ANAPC5: variants seen among roughly 807,000 people sequenced by gnomAD.
The protein encoded by ANAPC5 is anaphase-promoting complex subunit 5.
A neutral mutation model predicts 91.3 loss-of-function variants in ANAPC5; 60 were observed. The observed-to-expected ratio is 0.66, with a 90% CI of 0.53 to 0.81. The LOEUF (loss-of-function observed/expected upper bound fraction) is 0.81, where lower values mean the gene tolerates loss of function less well. ANAPC5 is among the 40% of genes least tolerant of loss of function. The pLI is 0.00. For missense variants in ANAPC5, 690 were observed against 931.5 expected (o/e 0.74, Z 3.37); for synonymous variants, 340 against 364.1 (o/e 0.93, Z 0.75).
In ANAPC5 at chr12:121,349,245, C is replaced by G. The variant is rs958321478; in HGVS notation, c.208-1364G>C. 2.6e-5 allele frequency among the ~76,000 whole-genome samples: 4 copies of G among 152,152 alleles called. No homozygotes were observed. In the South Asian group the frequency reaches 6.2e-4, roughly 24 times the overall value. On this transcript the variant is annotated intron_variant, in intron 1 of 16. Transcript: ENST00000261819. Reference sequence around the variant, plus strand: ...TGGCTGGGATGCTACTAGATGAACTCTACATACATTTTGATTAAAACTATA... The same window carrying G: ...TGGCTGGGATGCTACTAGATGAACTGTACATACATTTTGATTAAAACTATA...
At chr12:121,310,075 T>C (rs1318600337) in intron 15 of ANAPC5, 1 of 390,180 alleles carries the variant, frequency 2.6e-6, no homozygotes, top group East Asian at 4.1e-5. Context: ...GGGGCGGTTA[T>C]TCACACTATG....
At chr12:121,341,578 G>C (rs1338115020) in intron 5 of ANAPC5, among the ~76,000 whole-genome samples, 3 of 152,152 alleles carry the variant, frequency 2.0e-5, no homozygotes, top group Non-Finnish European at 2.9e-5. Context: ...TGAAATGGTG[G>C]CTGAATAGAG....
intron 3 of ANAPC5, chr12:121,346,409 A>AAG (rs1555274695): frequency 1.6e-5 from 3 of 187,830 alleles, no homozygotes; most frequent in African/African-American, 7.0e-5. Flanking sequence ...GGCACATAGG[A>AAG]AGAGAGAGAG....
At chr12:121,312,550 A>G (rs1902207107) in intron 15 of ANAPC5, among the ~76,000 whole-genome samples, 1 of 151,608 alleles carries the variant, frequency 6.6e-6, no homozygotes, top group South Asian at 2.1e-4. Flanking sequence ...AAAATACAAA[A>G]AAAAAAATTA....
intron 1 of ANAPC5, among the ~76,000 whole-genome samples, chr12:121,350,489 G>A (rs567345736): frequency 5.9e-5 from 9 of 152,182 alleles, no homozygotes; most frequent in African/African-American, 2.2e-4. Flanking sequence ...AGACCATCCC[G>A]GCTAACACGG....
intron 1 of ANAPC5, among the ~76,000 whole-genome samples, chr12:121,351,377 AAAT>A (rs1379212295): frequency 6.6e-6 from 1 of 152,144 alleles, no homozygotes; most frequent in Non-Finnish European, 1.5e-5. Context: ...TGTCTCAAAA[AAAT>A]AATAATAATT....
chr12:121,320,253 G>C (rs1444470118), intron 12 of ANAPC5, 132 bp downstream of exon 12: 2 of 768,956 alleles, frequency 2.6e-6, no homozygotes, highest in East Asian at 2.8e-5. Flanking sequence ...TATCATACTT[G>C]TAAGCATCCT....
chr12:121,310,731 C>T (rs1048026434), intron 15 of ANAPC5, among the ~76,000 whole-genome samples: 7 of 151,986 alleles, frequency 4.6e-5, no homozygotes, highest in South Asian at 4.2e-4. Context: ...GTCAGGGGTT[C>T]GAGACCAGCC....
intron 11 of ANAPC5, among the ~76,000 whole-genome samples, chr12:121,324,429 A>G (rs1307640704): frequency 6.6e-6 from 1 of 152,202 alleles, no homozygotes; most frequent in African/African-American, 2.4e-5. Context: ...TGTTGAAGCC[A>G]AACAATGATT....
intron 6 of ANAPC5, 141 bp downstream of exon 6, chr12:121,337,150 G>T: frequency 1.7e-6 from 1 of 584,604 alleles, no homozygotes. Flanking sequence ...CCAGGGAGTC[G>T]GAGGTTGCAG....
chr12:121,353,565 C>A (rs1038444918), upstream of ANAPC5, among the ~76,000 whole-genome samples: 1 of 151,974 alleles, frequency 6.6e-6, no homozygotes, highest in Non-Finnish European at 1.5e-5. Flanking sequence ...TTCAGCCTAC[C>A]GAGTAGCTGG....
At chr12:121,351,341 C>T in intron 1 of ANAPC5, 1 of 232,324 alleles carries the variant, frequency 4.3e-6, no homozygotes, top group Non-Finnish European at 8.8e-6. Context: ...CTACTGCACT[C>T]CAGCCTGGGC....
chr12:121,352,551 A>C (rs1272325995), upstream of ANAPC5: 1 of 529,970 alleles, frequency 1.9e-6, no homozygotes, highest in South Asian at 2.6e-5. Flanking sequence ...GAGTGCGGGG[A>C]GGGGTGCACC....
chr12:121,321,598 C>A (rs1902612029), intron 11 of ANAPC5, among the ~76,000 whole-genome samples: 1 of 145,872 alleles, frequency 6.9e-6, no homozygotes, highest in Non-Finnish European at 1.5e-5. Flanking sequence ...GTGGCATGAT[C>A]TTGACTCACT....
At chr12:121,313,198 C>T (rs1315372269) in intron 15 of ANAPC5, among the ~76,000 whole-genome samples, 2 of 151,814 alleles carry the variant, frequency 1.3e-5, no homozygotes, top group African/African-American at 4.8e-5. Context: ...TGGTAGCATG[C>T]GCCTGTAATC....
intron 11 of ANAPC5, among the ~76,000 whole-genome samples, chr12:121,325,883 T>C (rs1324635318): frequency 6.6e-6 from 1 of 152,000 alleles, no homozygotes; most frequent in African/African-American, 2.4e-5. Flanking sequence ...ACTAAATACT[T>C]CAATATGTTC....
intron 15 of ANAPC5, among the ~76,000 whole-genome samples, chr12:121,312,431 G>A (rs998045029): frequency 6.6e-6 from 1 of 151,900 alleles, no homozygotes; most frequent in Non-Finnish European, 1.5e-5. Context: ...AGGTAGCCAG[G>A]CACAGCGGCT....
intron 2 of ANAPC5, chr12:121,347,547 C>G: frequency 2.3e-6 from 1 of 430,490 alleles, no homozygotes; most frequent in Middle Eastern, 6.4e-4. Flanking sequence ...GGGAAGATCA[C>G]CTGAGCTCAG....
intron 15 of ANAPC5, among the ~76,000 whole-genome samples, chr12:121,316,931 C>A (rs1050517791): frequency 1.3e-5 from 2 of 151,942 alleles, no homozygotes; most frequent in African/African-American, 4.8e-5. Context: ...GCACTGATAC[C>A]TATTGCTACA....
Sources: allele counts gnomAD v4.1 joint callset (sites outside exome capture counted in the v4.1 genomes callset), GRCh38; gene constraint gnomAD v4.1.1; transcripts MANE v1.5; gene names NCBI Gene and HGNC (gene_info 2026-07-23, HGNC 2026-07-21).